TEAD4: variants seen among roughly 807,000 people sequenced by gnomAD.
TEAD4 encodes the protein TEA domain transcription factor 4.
A neutral mutation model predicts 52.4 loss-of-function variants in TEAD4; 36 were observed. The observed-to-expected ratio is 0.69, with a 90% CI of 0.53 to 0.91. The LOEUF is 0.91. Among genes scored for constraint, TEAD4 ranks in the 40% least tolerant of loss-of-function variants. The pLI is 0.00. For synonymous variants in TEAD4, 220 were observed against 231.0 expected (o/e 0.95, Z 0.43); for missense variants, 508 against 583.9 (o/e 0.87, Z 1.34).
chr12:2,971,858 G>T (rs2098225429), intron 2 of TEAD4, among the ~76,000 whole-genome samples: 1 of 142,454 alleles, frequency 7.0e-6, no homozygotes, highest in Non-Finnish European at 1.5e-5. Context: ...TATCACCCAG[G>T]CTGGAGTGCA....
rs186945628 is a variant in TEAD4 at position 2,990,822 on chromosome 12, G to C, written c.-29-3916G>C. 8.0e-4 allele frequency among the ~76,000 whole-genome samples: 122 copies of C among 152,224 alleles called. 1 individual carries two copies. Among genetic ancestry groups the C allele is most frequent in the African/African-American group, 2.9e-3 (120 of 41,528 alleles). The stretch of plus-strand genomic sequence containing the variant: ...GTCATATTTTGTCAGTGTTCTACTG[G>C]TTCTCTGAGGATTTAGGTATAGTTC... On this transcript the variant is annotated intron_variant, in intron 2 of 12. Coordinates refer to ENST00000359864, the MANE Select transcript of TEAD4 (RefSeq NM_003213.4).
chr12:3,006,771 A>G (rs2098256273), intron 3 of TEAD4, among the ~76,000 whole-genome samples: 1 of 152,146 alleles, frequency 6.6e-6, no homozygotes, highest in South Asian at 2.1e-4. Context: ...GATGCCTGTA[A>G]TCCCAGCACT....
In TEAD4 at chr12:3,021,847, A is replaced by G; in HGVS notation, c.727A>G (p.Asn243Asp). 4 of 1,614,026 alleles carry G rather than the reference A, an allele frequency of 2.5e-6. No individual in the cohort carries two copies. The highest frequency in any genetic ancestry group is 1.3e-5 in the African/African-American group (1 of 75,036). The change falls in exon 10 of 13, where the codon AAC becomes GAC. Residue 243 changes from asparagine (N) to aspartate (D), a missense_variant. Asn to Asp is a conservative substitution (Grantham distance 23). Coordinates refer to ENST00000359864, the MANE Select transcript of TEAD4 (RefSeq NM_003213.4). ...CTCAGACCCACTCTCTCCACAGTAC[A>G]ACAAGCACCTGTTCGTGCACATTGG... is the stretch of plus-strand genomic sequence containing the variant.
At chr12:3,018,422 G>C in intron 6 of TEAD4, 123 bp from the exon 7 acceptor site, 1 of 1,129,536 alleles carries the variant, frequency 8.9e-7, no homozygotes, top group Non-Finnish European at 1.3e-6. Context: ...CTAGCTAGGC[G>C]AGGCCTCGGG....
chr12:3,039,507 C>A (rs976720692), intron 11 of TEAD4, among the ~76,000 whole-genome samples: 2 of 152,114 alleles, frequency 1.3e-5, no homozygotes, highest in African/African-American at 2.4e-5. Flanking sequence ...TGCATGATCA[C>A]CACCAGACTC....
intron 10 of TEAD4, among the ~76,000 whole-genome samples, chr12:3,023,611 C>CCCTA (rs2098270127): frequency 6.7e-6 from 1 of 149,998 alleles, no homozygotes; most frequent in Non-Finnish European, 1.5e-5. Context: ...CATGGTGAAA[C>CCCTA]CCTATCTCTA....
At chr12:3,024,759 G>T (rs1446057102) in intron 10 of TEAD4, among the ~76,000 whole-genome samples, 3 of 151,894 alleles carry the variant, frequency 2.0e-5, no homozygotes, top group African/African-American at 7.3e-5. Context: ...CAAATAAATG[G>T]CTCTTGCATA....
At position 2,994,491 on chromosome 12, in the gene TEAD4, C is replaced by T. The variant is rs982410684; in HGVS notation, c.-29-247C>T. On this transcript the variant is annotated intron_variant, in intron 2 of 12. Coordinates refer to ENST00000359864, the MANE Select transcript of TEAD4 (RefSeq NM_003213.4). This position sits in a 1 kb window ranked among gnomAD's most constrained non-coding sequence, Gnocchi z 4.7. Reference sequence around the variant, plus strand: ...CATCCTTGTCTCCTACTTTTCAGCCCTTGTCTGGGTTCCTTGATACCAGGG... The same window carrying T: ...CATCCTTGTCTCCTACTTTTCAGCCTTTGTCTGGGTTCCTTGATACCAGGG... Among the ~76,000 whole-genome samples, 1 of 152,214 alleles carries T rather than the reference C, an allele frequency of 6.6e-6. No individual in the cohort carries two copies. Among genetic ancestry groups the T allele is most frequent in the Non-Finnish European group, 1.5e-5 (1 of 68,046 alleles).
At chr12:3,025,451 T>C (rs1369569443) in intron 10 of TEAD4, among the ~76,000 whole-genome samples, 1 of 152,220 alleles carries the variant, frequency 6.6e-6, no homozygotes, top group Non-Finnish European at 1.5e-5. Context: ...TATATCCTTA[T>C]ACTTGACTGA....
At chr12:3,017,136 G>A (rs2098265182) in intron 5 of TEAD4, 3 of 636,284 alleles carry the variant, frequency 4.7e-6, no homozygotes, top group Admixed American at 2.1e-5. Flanking sequence ...TTAATAAAAT[G>A]ACAGATAATG....
intron 2 of TEAD4, among the ~76,000 whole-genome samples, chr12:2,962,297 T>TTAA (rs2098216121): frequency 8.2e-6 from 1 of 122,476 alleles, no homozygotes; most frequent in South Asian, 2.4e-4. Context: ...TATTTATATA[T>TTAA]ATAAATATAA....
At chr12:2,970,533 G>A (rs934800973) in intron 2 of TEAD4, among the ~76,000 whole-genome samples, 21 of 152,232 alleles carry the variant, frequency 1.4e-4, no homozygotes, top group African/African-American at 5.1e-4. Flanking sequence ...TGTCGAAGCT[G>A]GAATTTGTAA....
intron 10 of TEAD4, among the ~76,000 whole-genome samples, chr12:3,032,569 C>CT (rs1462304357): frequency 6.6e-6 from 1 of 152,216 alleles, no homozygotes; most frequent in Non-Finnish European, 1.5e-5. Flanking sequence ...CTCTGTGCCT[C>CT]TGCTTCTTTG....
chr12:3,007,059 C>G lies in TEAD4; in HGVS notation c.227-3945C>G, dbSNP rs552876413. ...CAAAAAAGAAGACGGCTGAGCTTGC[C>G]TTAGACCCCTTGGTGTGGCTCCTGT... On this transcript the variant is annotated intron_variant, in intron 3 of 12. Coordinates refer to ENST00000359864, the MANE Select transcript of TEAD4 (RefSeq NM_003213.4). 3.3e-5 allele frequency among the ~76,000 whole-genome samples: 5 copies of G among 152,230 alleles called. No individual in the cohort carries two copies. The East Asian group carries it at 9.7e-4, about 29-fold the overall frequency.
intron 8 of TEAD4, 96 bp from the exon 9 acceptor site, chr12:3,020,538 A>G: frequency 7.2e-7 from 1 of 1,379,768 alleles, no homozygotes; most frequent in African/African-American, 1.5e-5. Context: ...CCCAGGCAGC[A>G]CGGGTCTGTC....
At chr12:3,000,672 A>G (rs1049949179) in intron 3 of TEAD4, among the ~76,000 whole-genome samples, 1 of 152,142 alleles carries the variant, frequency 6.6e-6, no homozygotes, top group Admixed American at 6.5e-5. Flanking sequence ...GCTCCAGGCA[A>G]GGGGGTGGAG....
At chr12:3,004,083 G>A (rs192685326) in intron 3 of TEAD4, among the ~76,000 whole-genome samples, 3 of 152,288 alleles carry the variant, frequency 2.0e-5, no homozygotes, top group East Asian at 1.9e-4. Flanking sequence ...TCCAGGATAC[G>A]CTGGCTCCCA....
At chr12:3,013,230 G>T (rs1324409021) in intron 5 of TEAD4, among the ~76,000 whole-genome samples, 1 of 151,160 alleles carries the variant, frequency 6.6e-6, no homozygotes, top group African/African-American at 2.4e-5. Context: ...GAAATTATAG[G>T]CATGAGCCAC....
At chr12:2,974,850 A>AC (rs563171405) in intron 2 of TEAD4, among the ~76,000 whole-genome samples, 21 of 151,782 alleles carry the variant, frequency 1.4e-4, no homozygotes, top group Admixed American at 1.3e-3. Context: ...GGGCAAACCC[A>AC]CCCCCGAGGC....
Sources: allele counts gnomAD v4.1 joint callset (sites outside exome capture counted in the v4.1 genomes callset), GRCh38; gene constraint gnomAD v4.1.1; non-coding constraint Gnocchi (gnomAD v3.1); transcripts MANE v1.5; gene names NCBI Gene and HGNC (gene_info 2026-07-23, HGNC 2026-07-21).